USP13: variants seen among roughly 807,000 people sequenced by gnomAD.
The protein encoded by USP13 is ubiquitin carboxyl-terminal hydrolase 13.
Under a neutral mutation model 107.8 loss-of-function variants are expected in USP13, and 68 were observed. The observed-to-expected ratio is 0.63, with a 90% CI of 0.52 to 0.77. The LOEUF is 0.77. Ranked by LOEUF, USP13 falls within the 30% of genes least tolerant of loss-of-function variation. USP13 has a pLI of 0.00. For synonymous variants in USP13, 377 were observed against 389.5 expected, an observed-to-expected ratio of 0.97 and a Z score of 0.38; for missense variants, 945 against 1,093.3, an observed-to-expected ratio of 0.86 and a Z score of 1.91.
At chr3:179,715,254 G>A (rs1713070485) in intron 6 of USP13, among the ~76,000 whole-genome samples, 1 of 151,914 alleles carries the variant, frequency 6.6e-6, no homozygotes, top group Non-Finnish European at 1.5e-5. Context: ...TTGAACTCCT[G>A]GGCTCAAGCT....
chr3:179,687,275 A>C (rs1711904715), intron 2 of USP13, among the ~76,000 whole-genome samples: 2 of 152,036 alleles, frequency 1.3e-5, no homozygotes, highest in Admixed American at 1.3e-4. Context: ...CTTACTGGTG[A>C]TCTTGTTACC....
chr3:179,738,575 C>T (rs760576058), intron 10 of USP13, among the ~76,000 whole-genome samples: 4 of 152,168 alleles, frequency 2.6e-5, no homozygotes, highest in African/African-American at 4.8e-5. Context: ...CAGTAGGTAT[C>T]ACCATTAGTA....
chr3:179,761,835 C>T lies in USP13; in HGVS notation c.2092+580C>T, dbSNP rs572390594. Among the ~76,000 whole-genome samples the T allele has an allele frequency of 4.6e-5, 7 of 152,192 alleles. No homozygotes were observed. The East Asian group carries it at 9.6e-4, about 21-fold the overall frequency. ...TGGCAAAAAGACCAATAGAAAGATACGGGATATACTTCTAACTAAGCGATG... is the reference window on the plus strand; with the variant it reads ...TGGCAAAAAGACCAATAGAAAGATATGGGATATACTTCTAACTAAGCGATG... On this transcript the variant is annotated intron_variant, in intron 17 of 20. Coordinates refer to ENST00000263966, the MANE Select transcript of USP13 (RefSeq NM_003940.3).
intron 15 of USP13, among the ~76,000 whole-genome samples, chr3:179,756,347 A>G (rs1250476382): frequency 3.3e-5 from 5 of 151,998 alleles, no homozygotes; most frequent in African/African-American, 9.7e-5. Flanking sequence ...CGCTTGAACC[A>G]GGGAGTCGAG....
intron 10 of USP13, among the ~76,000 whole-genome samples, chr3:179,730,971 A>C (rs1713783127): frequency 6.6e-6 from 1 of 152,262 alleles, no homozygotes; most frequent in African/African-American, 2.4e-5. Context: ...TATTCTTTAT[A>C]AAATAGAGCT....
intron 20 of USP13, 113 bp from the exon 21 acceptor site, chr3:179,783,935 G>A: frequency 1.4e-6 from 1 of 738,594 alleles, no homozygotes. Context: ...CTTGAGTATA[G>A]TACCTTAAAA....
intron 8 of USP13, among the ~76,000 whole-genome samples, chr3:179,727,993 C>G (rs1367478096): frequency 3.6e-5 from 2 of 55,770 alleles, no homozygotes; most frequent in African/African-American, 5.5e-5. Flanking sequence ...CCACCTCCCT[C>G]CCAGACGGGG....
chr3:179,737,521 T>C (rs1714034852), intron 10 of USP13, among the ~76,000 whole-genome samples: 1 of 152,210 alleles, frequency 6.6e-6, no homozygotes, highest in Non-Finnish European at 1.5e-5. Flanking sequence ...GTGATATATA[T>C]CAGCACTGTG....
chr3:179,685,185 T>A, intron 2 of USP13, among the ~76,000 whole-genome samples: 1 of 146,236 alleles, frequency 6.8e-6, no homozygotes, highest in South Asian at 2.2e-4. Flanking sequence ...TAGTACCCTA[T>A]AATTTTTTTT....
chr3:179,751,225 G>T (rs1039685983), intron 13 of USP13, among the ~76,000 whole-genome samples: 2 of 152,208 alleles, frequency 1.3e-5, no homozygotes, highest in African/African-American at 4.8e-5. Flanking sequence ...AACAGTCTGT[G>T]TATAAAATTG....
chr3:179,745,844 G>A (rs774802997), intron 13 of USP13, among the ~76,000 whole-genome samples: 1 of 152,274 alleles, frequency 6.6e-6, no homozygotes, highest in South Asian at 2.1e-4. Context: ...GCCGCTCAGG[G>A]TTTAGTCAGA....
chr3:179,685,122 ATAATTTTTG>A (rs1364373086), intron 2 of USP13, among the ~76,000 whole-genome samples: 3 of 151,750 alleles, frequency 2.0e-5, no homozygotes, highest in African/African-American at 7.3e-5. Flanking sequence ...TTGTCATTCA[ATAATTTTTG>A]TAATTTTTTA....
At position 179,751,784 on chromosome 3, in the gene USP13, C is replaced by A. The variant is rs1021306400; in HGVS notation, c.1710-501C>A. Among the ~76,000 whole-genome samples, 103 of 152,142 alleles carry A rather than the reference C, an allele frequency of 6.8e-4. 2 individuals carry two copies. The highest frequency in any genetic ancestry group is 2.4e-3 in the African/African-American group (99 of 41,500). ...TGTTGCCCAGGCTGGAGTCCAGTGGCATGATCTCAGCTCACTGCATCCTTT... is the reference window on the plus strand; with the variant it reads ...TGTTGCCCAGGCTGGAGTCCAGTGGAATGATCTCAGCTCACTGCATCCTTT... On this transcript the variant is annotated intron_variant, in intron 13 of 20. Transcript: ENST00000263966.
At chr3:179,681,306 GC>G (rs1436432226) in intron 1 of USP13, among the ~76,000 whole-genome samples, 173 of 152,280 alleles carry the variant, frequency 1.1e-3, no homozygotes, top group African/African-American at 4.1e-3. Flanking sequence ...CCGAGAGGCA[GC>G]TAACGCTAAA....
intron 3 of USP13, among the ~76,000 whole-genome samples, chr3:179,693,302 C>T (rs1451970776): frequency 6.6e-6 from 1 of 152,008 alleles, no homozygotes. Flanking sequence ...GCACACACCA[C>T]CACACATGGT....
At chr3:179,728,046 G>A (rs1164732253) in intron 8 of USP13, among the ~76,000 whole-genome samples, 5 of 67,002 alleles carry the variant, frequency 7.5e-5, no homozygotes, top group African/African-American at 1.3e-4. Flanking sequence ...CCTCCCTCCC[G>A]GACGGGGCGG....
At chr3:179,675,534 A>ATTT (rs1306843567) in intron 1 of USP13, among the ~76,000 whole-genome samples, 9 of 122,714 alleles carry the variant, frequency 7.3e-5, no homozygotes, top group Admixed American at 3.3e-4. Context: ...TCTGTAACCT[A>ATTT]TTTTATTATT....
chr3:179,705,293 G>GTTATTTAT (rs140624702), intron 4 of USP13, among the ~76,000 whole-genome samples: 1 of 151,948 alleles, frequency 6.6e-6, no homozygotes, highest in Non-Finnish European at 1.5e-5. Flanking sequence ...TACAAATTTT[G>GTTATTTAT]TTATTTATTT....
At chr3:179,775,334 T>G (rs1175414701) in intron 19 of USP13, among the ~76,000 whole-genome samples, 1 of 152,206 alleles carries the variant, frequency 6.6e-6, no homozygotes, top group Non-Finnish European at 1.5e-5. Context: ...CACAGAGTAC[T>G]GATCGGTGCA....
Sources: gnomAD v4.1 joint callset for allele counts (sites outside exome capture counted in the v4.1 genomes callset) on GRCh38, gnomAD v4.1.1 for gene constraint, MANE v1.5 for transcripts, NCBI Gene and HGNC (gene_info 2026-07-23, HGNC 2026-07-21) for gene names.